ERBB4: variants seen among roughly 807,000 people sequenced by gnomAD.
ERBB4 encodes receptor tyrosine-protein kinase erbB-4.
ERBB4 carries 42 observed loss-of-function variants against 158.0 expected under a neutral mutation model. The observed-to-expected ratio is 0.27, with a 90% CI of 0.21 to 0.34. The LOEUF (loss-of-function observed/expected upper bound fraction) is 0.34, where lower values mean the gene tolerates loss of function less well. Among genes scored for constraint, ERBB4 ranks in the 10% least tolerant of loss-of-function variants. The probability of loss-of-function intolerance (pLI) is 1.00; values close to 1 mark genes in which losing one functional copy is unlikely to be tolerated. For missense variants in ERBB4, 1,333 were observed against 1,624.1 expected, an observed-to-expected ratio of 0.82 and a Z score of 3.08; for synonymous variants, 583 against 558.7, an observed-to-expected ratio of 1.04 and a Z score of -0.61.
At position 211,471,069 on chromosome 2, in the gene ERBB4, C is replaced by T. The variant is rs1036985346; in HGVS notation, c.2488-39969G>A. Among the ~76,000 whole-genome samples the T allele has an allele frequency of 2.6e-5, 4 of 152,176 alleles. No individual in the cohort carries two copies. The South Asian group carries it at 8.3e-4, about 32-fold the overall frequency. ...AGGTGTCATGAAAGTAGTATGGCTA[C>T]CGAAGACCATTATAACATGAGAATC... On this transcript the variant is annotated intron_variant, in intron 20 of 27. Transcript: ENST00000342788.
chr2:211,878,456 C>G (rs924585506), intron 3 of ERBB4, among the ~76,000 whole-genome samples: 2 of 152,010 alleles, frequency 1.3e-5, no homozygotes, highest in Non-Finnish European at 2.9e-5. Flanking sequence ...TGATGAATTT[C>G]ATAAAAATAT....
At chr2:212,096,428 A>G (rs7587560) in intron 2 of ERBB4, among the ~76,000 whole-genome samples, 1 of 152,168 alleles carries the variant, frequency 6.6e-6, no homozygotes, top group Non-Finnish European at 1.5e-5. Flanking sequence ...CATATCTCAT[A>G]TGTTATATAT....
intron 1 of ERBB4, among the ~76,000 whole-genome samples, chr2:212,534,187 G>A (rs558363811): frequency 4.9e-4 from 75 of 152,136 alleles, no homozygotes; most frequent in African/African-American, 1.7e-3. Context: ...AAATAATACC[G>A]CTTTAAAGCA....
At chr2:212,044,432 T>A (rs1221515334) in intron 2 of ERBB4, among the ~76,000 whole-genome samples, 2 of 152,160 alleles carry the variant, frequency 1.3e-5, no homozygotes, top group African/African-American at 4.8e-5. Flanking sequence ...CTGAGTTTTT[T>A]TCTAGTCTAC....
intron 1 of ERBB4, among the ~76,000 whole-genome samples, chr2:212,183,411 A>C (rs888722743): frequency 3.3e-5 from 5 of 152,012 alleles, no homozygotes; most frequent in Non-Finnish European, 7.4e-5. Context: ...CTTCATAGTT[A>C]CTGATTTTCA....
chr2:211,806,752 TCAAGAAAAAA>T (rs2076626638), intron 3 of ERBB4, among the ~76,000 whole-genome samples: 1 of 152,046 alleles, frequency 6.6e-6, no homozygotes, highest in Non-Finnish European at 1.5e-5. Flanking sequence ...AGTGGAAACA[TCAAGAAAAAA>T]CAAGCAAACT....
chr2:212,447,301 C>T (rs1459007904), intron 1 of ERBB4, among the ~76,000 whole-genome samples: 3 of 151,966 alleles, frequency 2.0e-5, no homozygotes, highest in Non-Finnish European at 2.9e-5. Flanking sequence ...CCAGCCAATA[C>T]CAAATTTTTC....
chr2:211,934,934 A>AAAAAAAAAAAAAAACAAAAAAC lies in ERBB4; in HGVS notation c.421+12495_421+12496insGTTTTTTGTTTTTTTTTTTTTT, dbSNP rs1553516072. Among the ~76,000 whole-genome samples the AAAAAAAAAAAAAAACAAAAAAC allele has an allele frequency of 9.3e-5, 14 of 149,816 alleles. 1 individual carries two copies. The highest frequency in any genetic ancestry group is 3.4e-4 in the African/African-American group (14 of 41,190). Reference sequence around the variant, plus strand: ...GCAAAGTCTCATTCAGCTAAAAAAAAAAAAAAACTGCCTTGAAGAGGTGAC... The same window carrying AAAAAAAAAAAAAAACAAAAAAC: ...GCAAAGTCTCATTCAGCTAAAAAAAAAAAAAAAAAAAAAACAAAAAACAAAAAAACTGCCTTGAAGAGGTGAC... On this transcript the variant is annotated intron_variant, in intron 3 of 27. Transcript: ENST00000342788.
chr2:211,764,970 G>A (rs372039297), intron 4 of ERBB4, among the ~76,000 whole-genome samples: 1 of 152,128 alleles, frequency 6.6e-6, no homozygotes, highest in Non-Finnish European at 1.5e-5. Context: ...GATGATTTGG[G>A]TCATTTACCA....
intron 1 of ERBB4, among the ~76,000 whole-genome samples, chr2:212,136,783 AT>A (rs1273606873): frequency 6.6e-6 from 1 of 152,170 alleles, no homozygotes; most frequent in African/African-American, 2.4e-5. Flanking sequence ...AAGTCTGTGA[AT>A]GTTAGACTTG....
chr2:211,486,064 T>G (rs2065197707), intron 20 of ERBB4, among the ~76,000 whole-genome samples: 1 of 152,144 alleles, frequency 6.6e-6, no homozygotes, highest in African/African-American at 2.4e-5. Context: ...GAAGCTTGGC[T>G]CTATAGTTGT....
intron 2 of ERBB4, among the ~76,000 whole-genome samples, chr2:212,094,350 T>A (rs974043061): frequency 6.9e-6 from 1 of 145,186 alleles, no homozygotes; most frequent in Non-Finnish European, 1.5e-5. Context: ...CCTTTAAATA[T>A]GAATAGTTTT....
intron 2 of ERBB4, among the ~76,000 whole-genome samples, chr2:212,019,971 A>G: frequency 6.6e-6 from 1 of 151,986 alleles, no homozygotes; most frequent in Admixed American, 6.6e-5. Context: ...TAAAAGGTAA[A>G]TTTTATAATT....
intron 4 of ERBB4, among the ~76,000 whole-genome samples, chr2:211,775,948 G>A (rs2075863943): frequency 6.6e-6 from 1 of 152,116 alleles, no homozygotes. Context: ...TACAGACCGG[G>A]GGCAAGAGAT....
At chr2:212,301,101 AGATG>A (rs2086602425) in intron 1 of ERBB4, among the ~76,000 whole-genome samples, 1 of 146,658 alleles carries the variant, frequency 6.8e-6, no homozygotes, top group South Asian at 2.2e-4. Flanking sequence ...CATTATTGTT[AGATG>A]GTTTGCATTG....
chr2:212,093,303 G>A (rs2078833534), intron 2 of ERBB4, among the ~76,000 whole-genome samples: 1 of 152,136 alleles, frequency 6.6e-6, no homozygotes, highest in Admixed American at 6.5e-5. Flanking sequence ...CTTAATGAAA[G>A]TCCTATGAAG....
chr2:212,201,005 T>C (rs2082573286), intron 1 of ERBB4, among the ~76,000 whole-genome samples: 1 of 152,154 alleles, frequency 6.6e-6, no homozygotes, highest in African/African-American at 2.4e-5. Context: ...CCAGGAAGAA[T>C]TTCCACGAAT....
Position 211,630,612 on chromosome 2 carries a change from A to G in ERBB4, c.1947-18T>C, listed in dbSNP as rs751493622. 1.4e-5 allele frequency: 17 copies of G among 1,174,550 alleles called. No individual in the cohort carries two copies. The African/African-American group carries it at 3.5e-4, about 24-fold the overall frequency. The allele number at this position is 1,174,550 out of a possible 1,614,324, so 72.8% of individuals were successfully genotyped here. A position where few individuals can be genotyped will look rare whatever the true frequency, so the allele number is the denominator to read the frequency against. On this transcript the variant is annotated intron_variant, in intron 16 of 27. Transcript: ENST00000342788. Reference sequence around the variant, plus strand: ...GGGGAGTTCTGACAACCAGAATGAGAAAAAAAAAAATAAAAAGTATGAAGA... The same window carrying G: ...GGGGAGTTCTGACAACCAGAATGAGGAAAAAAAAAATAAAAAGTATGAAGA...
chr2:211,671,807 C>T (rs929281118), intron 14 of ERBB4, among the ~76,000 whole-genome samples: 1 of 152,134 alleles, frequency 6.6e-6, no homozygotes, highest in Non-Finnish European at 1.5e-5. Context: ...CAAGCCATTA[C>T]AGAAATGCAC....
Sources: allele counts gnomAD v4.1 joint callset (sites outside exome capture counted in the v4.1 genomes callset), GRCh38; gene constraint gnomAD v4.1.1; transcripts MANE v1.5; gene names NCBI Gene and HGNC (gene_info 2026-07-23, HGNC 2026-07-21).